Variants in MALRD1 observed in about 807,000 individuals in gnomAD.
MALRD1 encodes MAM and LDL-receptor class A domain-containing protein 1.
A neutral mutation model predicts 242.1 loss-of-function variants in MALRD1; 247 were observed. That is an observed-to-expected ratio of 1.02 (90% CI 0.92 to 1.13). The LOEUF is 1.13. MALRD1 is among the 50% of genes most tolerant of loss of function. The pLI is 0.00. For synonymous variants in MALRD1, 995 were observed against 866.6 expected (o/e 1.15, Z -2.60); for missense variants, 2,989 against 2,533.1 (o/e 1.18, Z -3.86).
chr10:19,452,653 A>G (rs1285774992), intron 29 of MALRD1, among the ~76,000 whole-genome samples: 1 of 152,244 alleles, frequency 6.6e-6, no homozygotes, highest in Non-Finnish European at 1.5e-5. Context: ...ACTAAACAAC[A>G]TTCTTTTTAA....
chr10:19,424,664 A>G (rs1243248879), intron 28 of MALRD1, among the ~76,000 whole-genome samples: 2 of 152,196 alleles, frequency 1.3e-5, no homozygotes, highest in African/African-American at 2.4e-5. Context: ...TGTGACATGG[A>G]CAATTCAGCA....
chr10:19,204,244 A>G (rs1836681606), intron 15 of MALRD1, 64 bp from the exon 16 acceptor site: 2 of 1,033,134 alleles, frequency 1.9e-6, no homozygotes, highest in South Asian at 1.5e-5. Flanking sequence ...GTTAAGAGAC[A>G]GATGTCTCAT....
chr10:19,232,820 A>G (rs1588737933), intron 18 of MALRD1, among the ~76,000 whole-genome samples: 1 of 152,058 alleles, frequency 6.6e-6, no homozygotes, highest in Non-Finnish European at 1.5e-5. Flanking sequence ...CCCCACCCCA[A>G]CCCTGCTTCT....
intron 31 of MALRD1, among the ~76,000 whole-genome samples, chr10:19,521,595 A>T (rs1418481107): frequency 6.6e-6 from 1 of 152,140 alleles, no homozygotes; most frequent in African/African-American, 2.4e-5. Context: ...ATTCTTGGCC[A>T]TTGATCTAGA....
At chr10:19,604,587 G>C (rs1156371559) in intron 34 of MALRD1, among the ~76,000 whole-genome samples, 2 of 152,124 alleles carry the variant, frequency 1.3e-5, no homozygotes, top group African/African-American at 4.8e-5. Flanking sequence ...GCTGTACCAA[G>C]TTATCTAGAT....
intron 34 of MALRD1, among the ~76,000 whole-genome samples, chr10:19,602,892 C>T (rs987231018): frequency 3.3e-5 from 5 of 152,110 alleles, no homozygotes; most frequent in Admixed American, 6.5e-5. Flanking sequence ...GCCATTCTAA[C>T]TGGTGTGAGA....
chr10:19,642,317 C>A (rs1241151212), intron 36 of MALRD1, among the ~76,000 whole-genome samples: 1 of 151,912 alleles, frequency 6.6e-6, no homozygotes, highest in African/African-American at 2.4e-5. Flanking sequence ...TAAAATTTTT[C>A]TTTTTTTAAT....
chr10:19,489,025 G>A lies in MALRD1; in HGVS notation c.5030-2492G>A, dbSNP rs919626827. 18 of 456,480 alleles carry A rather than the reference G, an allele frequency of 3.9e-5. No individual in the cohort carries two copies. The Admixed American group carries it at 4.0e-4, about 10-fold the overall frequency. 28.3% of individuals were successfully genotyped at this position (456,480 alleles called of 1,614,324 possible). On this transcript the variant is annotated intron_variant, in intron 29 of 39. Transcript: ENST00000454679. ...CCGGTTCTCCCACCATCCCCCGCCA[G>A]GGGTCTCAGCAGCTCGGAGGGTGGA...
At chr10:19,530,646 A>G (rs1208883230) in intron 31 of MALRD1, among the ~76,000 whole-genome samples, 1 of 151,348 alleles carries the variant, frequency 6.6e-6, no homozygotes, top group Admixed American at 6.6e-5. Flanking sequence ...AAAAAATCCA[A>G]TTGTGTTTAA....
At position 19,530,693 on chromosome 10, in the gene MALRD1, G is replaced by T. The variant is rs190688617; in HGVS notation, c.5321-501G>T. Among the ~76,000 whole-genome samples the T allele has an allele frequency of 2.4e-3, 367 of 151,636 alleles. 2 individuals carry two copies. Among genetic ancestry groups the T allele is most frequent in the Admixed American group, 6.4e-3 (97 of 15,156 alleles). ...TTTCACATACTAATGCATTTGAGAAGAAAAGAAATAGTGTATTACCCAGAA... is the reference window on the plus strand; with the variant it reads ...TTTCACATACTAATGCATTTGAGAATAAAAGAAATAGTGTATTACCCAGAA... On this transcript the variant is annotated intron_variant, in intron 31 of 39. Coordinates refer to ENST00000454679, the MANE Select transcript of MALRD1 (RefSeq NM_001142308.3).
intron 25 of MALRD1, among the ~76,000 whole-genome samples, chr10:19,351,647 C>T (rs1291834827): frequency 6.6e-6 from 1 of 152,154 alleles, no homozygotes; most frequent in Admixed American, 6.5e-5. Context: ...CATGAAAAGT[C>T]TTTTTGTATA....
chr10:19,209,929 C>A (rs754438399), intron 18 of MALRD1, among the ~76,000 whole-genome samples: 6 of 152,132 alleles, frequency 3.9e-5, no homozygotes, highest in Non-Finnish European at 7.4e-5. Context: ...GCAGGTCCTT[C>A]CAATTTCAAG....
intron 29 of MALRD1, among the ~76,000 whole-genome samples, chr10:19,454,743 C>CAT (rs1368632359): frequency 3.4e-5 from 5 of 147,504 alleles, no homozygotes; most frequent in African/African-American, 8.0e-5. Flanking sequence ...CACACACACA[C>CAT]ACACACATTA....
intron 12 of MALRD1, among the ~76,000 whole-genome samples, chr10:19,155,438 T>C (rs1317237803): frequency 1.3e-5 from 2 of 152,222 alleles, no homozygotes; most frequent in African/African-American, 4.8e-5. Flanking sequence ...TCTAAAGCTG[T>C]GGATACGTGT....
intron 38 of MALRD1, among the ~76,000 whole-genome samples, chr10:19,725,616 A>G (rs930516180): frequency 6.6e-6 from 1 of 152,220 alleles, no homozygotes; most frequent in Non-Finnish European, 1.5e-5. Flanking sequence ...TCTCAAATTT[A>G]TAAATTGCAA....
At chr10:19,546,836 T>A (rs184080681) in intron 32 of MALRD1, among the ~76,000 whole-genome samples, 12 of 152,358 alleles carry the variant, frequency 7.9e-5, no homozygotes, top group African/African-American at 2.9e-4. Flanking sequence ...TTCCTGTCTT[T>A]CCAGTGGAAC....
chr10:19,533,572 G>T (rs1422017179), intron 32 of MALRD1, among the ~76,000 whole-genome samples: 1 of 152,164 alleles, frequency 6.6e-6, no homozygotes, highest in Non-Finnish European at 1.5e-5. Context: ...CATCTGCTCA[G>T]CTTCTGATGA....
chr10:19,551,069 T>G (rs184968356), intron 32 of MALRD1, among the ~76,000 whole-genome samples: 2 of 152,180 alleles, frequency 1.3e-5, no homozygotes, highest in Non-Finnish European at 2.9e-5. Flanking sequence ...AGATCACTGA[T>G]TGAGCTTCTT....
intron 2 of MALRD1, among the ~76,000 whole-genome samples, chr10:19,075,525 G>A (rs1459738054): frequency 6.6e-6 from 1 of 151,982 alleles, no homozygotes; most frequent in Non-Finnish European, 1.5e-5. Flanking sequence ...GTAATACAGG[G>A]GCCTCTAAAA....
Sources: gnomAD v4.1 joint callset for allele counts (sites outside exome capture counted in the v4.1 genomes callset) on GRCh38, gnomAD v4.1.1 for gene constraint, MANE v1.5 for transcripts, NCBI Gene and HGNC (gene_info 2026-07-23, HGNC 2026-07-21) for gene names.